Variants in MSRA observed in about 807,000 individuals in gnomAD.
MSRA encodes the protein mitochondrial peptide methionine sulfoxide reductase.
MSRA carries 54 observed loss-of-function variants against 31.3 expected under a neutral mutation model. The observed-to-expected ratio is 1.73, with a 90% CI of 1.39 to 2.17. The LOEUF is 2.17. MSRA is among the 30% of genes most tolerant of loss of function. The probability of loss-of-function intolerance (pLI) is 0.00; values close to 1 mark genes in which losing one functional copy is unlikely to be tolerated. For missense variants in MSRA, 507 were observed against 300.9 expected (o/e 1.69, Z -5.07); for synonymous variants, 169 against 116.5 (o/e 1.45, Z -2.90).
At chr8:10,382,362 T>C (rs1806122873) in intron 5 of MSRA, among the ~76,000 whole-genome samples, 1 of 152,190 alleles carries the variant, frequency 6.6e-6, no homozygotes. Context: ...GATCATGGTC[T>C]TCATCTCCCA....
At chr8:10,347,795 C>G (rs1321065003) in intron 5 of MSRA, among the ~76,000 whole-genome samples, 2 of 152,342 alleles carry the variant, frequency 1.3e-5, no homozygotes, top group Non-Finnish European at 1.5e-5. Flanking sequence ...TCCCGTTACC[C>G]TAGTTGTTTC....
intron 2 of MSRA, among the ~76,000 whole-genome samples, chr8:10,242,327 A>G (rs1413495291): frequency 5.9e-5 from 9 of 152,094 alleles, no homozygotes; most frequent in African/African-American, 1.4e-4. Flanking sequence ...GCAAGACTAT[A>G]ATGTCAGGGG....
chr8:10,071,728 C>G (rs1056808443), intron 1 of MSRA, among the ~76,000 whole-genome samples: 5 of 152,094 alleles, frequency 3.3e-5, no homozygotes, highest in African/African-American at 4.8e-5. Flanking sequence ...TCATTTGTGT[C>G]AAACAGAACT....
chr8:10,111,695 G>T (rs563529358), intron 1 of MSRA, among the ~76,000 whole-genome samples: 4 of 152,222 alleles, frequency 2.6e-5, no homozygotes, highest in Non-Finnish European at 4.4e-5. Context: ...GGCTAGTATT[G>T]CATGAGAAGA....
At chr8:10,314,421 GA>G (rs996984242) in intron 4 of MSRA, among the ~76,000 whole-genome samples, 4 of 151,940 alleles carry the variant, frequency 2.6e-5, no homozygotes, top group African/African-American at 9.7e-5. Context: ...TATTAATCAG[GA>G]AAATGCAAAT....
chr8:10,159,217 C>A (rs192546389), intron 1 of MSRA, among the ~76,000 whole-genome samples: 18 of 152,264 alleles, frequency 1.2e-4, no homozygotes, highest in African/African-American at 4.3e-4. Flanking sequence ...GATTGGGGAG[C>A]GCTGAAACTG....
chr8:10,082,641 C>T (rs917282876), intron 1 of MSRA, among the ~76,000 whole-genome samples: 3 of 152,242 alleles, frequency 2.0e-5, no homozygotes, highest in Non-Finnish European at 1.5e-5. Context: ...AATTGTGTAA[C>T]CTTGGAGGTT....
chr8:10,416,845 C>G (rs1056268801), intron 5 of MSRA, among the ~76,000 whole-genome samples: 2 of 152,204 alleles, frequency 1.3e-5, no homozygotes, highest in Admixed American at 6.5e-5. Context: ...AAACTCATTC[C>G]TTCCTCTCCT....
At chr8:10,147,132 G>A (rs1308243309) in intron 1 of MSRA, among the ~76,000 whole-genome samples, 1 of 152,216 alleles carries the variant, frequency 6.6e-6, no homozygotes, top group African/African-American at 2.4e-5. Context: ...GCAGGGCCCG[G>A]TGCTGTCTGG....
In MSRA at chr8:10,245,136, T is replaced by G; in HGVS notation, c.244T>G (p.Phe82Val). The G allele has an allele frequency of 6.2e-7, 1 of 1,613,598 alleles. No homozygotes were observed. ...MGCFWGAERK[F>V]WVLKGVYSTQ... ...ATGTTTCTGGGGAGCTGAAAGGAAA[T>G]TCTGGGTCTTGAAAGGAGTGTATTC... The change falls in exon 3 of 6, where the codon TTC becomes GTC. Residue 82 changes from phenylalanine to valine, a missense_variant. Phe to Val is a conservative substitution (Grantham distance 50). Transcript: ENST00000317173.
At chr8:10,373,708 G>A (rs1281863189) in intron 5 of MSRA, among the ~76,000 whole-genome samples, 2 of 152,258 alleles carry the variant, frequency 1.3e-5, no homozygotes, top group Non-Finnish European at 2.9e-5. Flanking sequence ...GGCAACACCA[G>A]GAGTGAGGGC....
rs1180382568 is a variant in MSRA at position 10,208,456 on chromosome 8, GT to G, written c.211+558del. Among the ~76,000 whole-genome samples, 7 of 152,202 alleles carry G rather than the reference GT, an allele frequency of 4.6e-5. No homozygotes were observed. The East Asian group carries it at 1.3e-3, about 29-fold the overall frequency. On this transcript the variant is annotated intron_variant, in intron 2 of 5. Coordinates refer to ENST00000317173, the MANE Select transcript of MSRA (RefSeq NM_012331.5). ...AACTTCTCTGTTAAAATTCCAAACT[GT>G]TTGGTGAAGAGGTCCTTTTTAATCT... is the stretch of plus-strand genomic sequence containing the variant.
intron 5 of MSRA, among the ~76,000 whole-genome samples, chr8:10,332,837 T>C (rs1802783448): frequency 6.6e-6 from 1 of 152,228 alleles, no homozygotes; most frequent in Non-Finnish European, 1.5e-5. Context: ...GGGCTTTACA[T>C]ATTAAACTGT....
intron 1 of MSRA, among the ~76,000 whole-genome samples, chr8:10,127,368 G>T (rs931004376): frequency 1.4e-4 from 21 of 152,204 alleles, no homozygotes; most frequent in Admixed American, 1.4e-3. Context: ...TTTACAGTGT[G>T]TGGCTTGTTT....
intron 5 of MSRA, among the ~76,000 whole-genome samples, chr8:10,363,098 C>T (rs530665887): frequency 6.6e-6 from 1 of 152,296 alleles, no homozygotes; most frequent in East Asian, 1.9e-4. Flanking sequence ...AAACATTTTC[C>T]CCCCAGAAAT....
At chr8:10,242,051 C>A (rs1344077981) in intron 2 of MSRA, among the ~76,000 whole-genome samples, 1 of 152,170 alleles carries the variant, frequency 6.6e-6, no homozygotes, top group Non-Finnish European at 1.5e-5. Flanking sequence ...GGGGGCAGAT[C>A]ACCTGAGGTC....
At chr8:10,294,857 G>T (rs1394214811) in intron 3 of MSRA, among the ~76,000 whole-genome samples, 1 of 152,090 alleles carries the variant, frequency 6.6e-6, no homozygotes, top group African/African-American at 2.4e-5. Context: ...CGGGACCAGG[G>T]CCGGCTTGGG....
At chr8:10,058,815 T>A (rs1802542475) in intron 1 of MSRA, among the ~76,000 whole-genome samples, 1 of 152,230 alleles carries the variant, frequency 6.6e-6, no homozygotes, top group Non-Finnish European at 1.5e-5. Context: ...AAATTCTACC[T>A]TTTTTGTATT....
chr8:10,131,328 A>T (rs1801879374), intron 1 of MSRA, among the ~76,000 whole-genome samples: 1 of 152,266 alleles, frequency 6.6e-6, no homozygotes, highest in South Asian at 2.1e-4. Flanking sequence ...AGCTGATAGG[A>T]TCAAAGAAAG....
Sources: allele counts gnomAD v4.1 joint callset (sites outside exome capture counted in the v4.1 genomes callset), GRCh38; gene constraint gnomAD v4.1.1; transcripts MANE v1.5; gene names NCBI Gene and HGNC (gene_info 2026-07-23, HGNC 2026-07-21).